Variants in CADPS observed in about 807,000 individuals in gnomAD.
CADPS encodes calcium-dependent secretion activator 1.
CADPS carries 57 observed loss-of-function variants against 167.3 expected under a neutral mutation model. The observed-to-expected ratio is 0.34, with a 90% CI of 0.28 to 0.42. The LOEUF is 0.42. Among genes scored for constraint, CADPS ranks in the 20% least tolerant of loss-of-function variants. The pLI is 1.00. For missense variants in CADPS, 1,414 were observed against 1,738.1 expected, an observed-to-expected ratio of 0.81 and a Z score of 3.32; for synonymous variants, 676 against 635.3, an observed-to-expected ratio of 1.06 and a Z score of -0.96.
rs553844716 is a variant in CADPS, at chr3:62,569,158, T to C, written c.1644+1714A>G. Among the ~76,000 whole-genome samples the C allele has an allele frequency of 3.9e-4, 59 of 152,314 alleles. 1 individual carries two copies. The Middle Eastern group carries it at 0.031, about 79-fold the overall frequency. On this transcript the variant is annotated intron_variant, in intron 9 of 29. Transcript: ENST00000383710. ...TCTTGTTGCCCAGGCTGGAGTGCAA[T>C]GGCACAATCTCAGCTCACTGCAACC...
chr3:62,557,761 C>G (rs2600854), intron 9 of CADPS, among the ~76,000 whole-genome samples: 1 of 152,030 alleles, frequency 6.6e-6, no homozygotes, highest in African/African-American at 2.4e-5. Context: ...AATGAGTTCA[C>G]GTGGGGAATG....
intron 1 of CADPS, among the ~76,000 whole-genome samples, chr3:62,783,241 A>G (rs927297738): frequency 6.6e-6 from 1 of 151,934 alleles, no homozygotes; most frequent in African/African-American, 2.4e-5. Context: ...AGTAAACGGC[A>G]AACTCTAGTT....
intron 1 of CADPS, among the ~76,000 whole-genome samples, chr3:62,856,491 A>G (rs1255955957): frequency 6.6e-6 from 1 of 152,112 alleles, no homozygotes; most frequent in Non-Finnish European, 1.5e-5. Flanking sequence ...TGATAAAATC[A>G]TTAAAAATTA....
At chr3:62,423,266 G>C (rs576408539) in intron 28 of CADPS, among the ~76,000 whole-genome samples, 1 of 152,344 alleles carries the variant, frequency 6.6e-6, no homozygotes, top group Non-Finnish European at 1.5e-5. Context: ...TTCACGAAAA[G>C]ACCTGCCCTA....
At chr3:62,809,810 G>A (rs2094308396) in intron 1 of CADPS, among the ~76,000 whole-genome samples, 1 of 152,104 alleles carries the variant, frequency 6.6e-6, no homozygotes, top group South Asian at 2.1e-4. Context: ...ATGAATATGT[G>A]TATGGTAATA....
At chr3:62,427,956 T>A (rs1397751003) in intron 28 of CADPS, among the ~76,000 whole-genome samples, 6 of 152,226 alleles carry the variant, frequency 3.9e-5, no homozygotes, top group Non-Finnish European at 8.8e-5. Context: ...AATACTCCCA[T>A]CCTGGGCAAG....
intron 6 of CADPS, among the ~76,000 whole-genome samples, chr3:62,621,463 C>T (rs2149479223): frequency 1.3e-5 from 2 of 152,208 alleles, no homozygotes; most frequent in South Asian, 4.1e-4. Flanking sequence ...AAGTCCTATT[C>T]ACTTCTTTTA....
chr3:62,775,068 C>A (rs942330853), intron 1 of CADPS, among the ~76,000 whole-genome samples: 2 of 151,774 alleles, frequency 1.3e-5, no homozygotes, highest in Admixed American at 6.6e-5. Context: ...CAGAGTCTCT[C>A]ACTCTGTCAC....
intron 3 of CADPS, among the ~76,000 whole-genome samples, chr3:62,726,895 T>C (rs867261426): frequency 2.6e-5 from 4 of 151,804 alleles, no homozygotes; most frequent in Non-Finnish European, 2.9e-5. Flanking sequence ...GGGAGTTACA[T>C]GGACTTGTAC....
intron 3 of CADPS, among the ~76,000 whole-genome samples, chr3:62,723,605 C>T (rs2076204756): frequency 6.6e-6 from 1 of 152,142 alleles, no homozygotes; most frequent in Non-Finnish European, 1.5e-5. Context: ...GAGACTGAGG[C>T]AAGGGGAAAT....
chr3:62,518,822 G>A (rs1227548486), intron 13 of CADPS, among the ~76,000 whole-genome samples: 2 of 152,114 alleles, frequency 1.3e-5, no homozygotes, highest in East Asian at 3.8e-4. Flanking sequence ...CTTTCCCGGT[G>A]TCAGACGTCT....
Position 62,653,483 on chromosome 3 carries a change from A to G in CADPS, c.970-2403T>C, listed in dbSNP as rs551532016. On this transcript the variant is annotated intron_variant, in intron 4 of 29. Transcript: ENST00000383710. ...TTTATGTCAACTATGGCATTCTGTT[A>G]TAGCAGCCTGAATAGACTAAGACAC... Among the ~76,000 whole-genome samples, 7 of 152,314 alleles carry G rather than the reference A, an allele frequency of 4.6e-5. No homozygotes were observed. The East Asian group carries it at 1.2e-3, about 25-fold the overall frequency.
Position 62,843,492 on chromosome 3 carries a change from GGTGTGTGT to G in CADPS, c.441+31089_441+31096del, listed in dbSNP as rs150223612. ...GTGATATATACAAGATGGCAGTTGG[GGTGTGTGT>G]GTGTGTGTGTGTGTGTGTCTATGTG... On this transcript the variant is annotated intron_variant, in intron 1 of 29. Coordinates refer to ENST00000383710, the MANE Select transcript of CADPS (RefSeq NM_003716.4). Among the ~76,000 whole-genome samples, 41 of 149,112 alleles carry G rather than the reference GGTGTGTGT, an allele frequency of 2.7e-4. No homozygotes were observed. The East Asian group carries it at 7.1e-3, about 26-fold the overall frequency.
At chr3:62,443,619 T>G (rs545526293) in intron 27 of CADPS, among the ~76,000 whole-genome samples, 2 of 152,238 alleles carry the variant, frequency 1.3e-5, no homozygotes, top group African/African-American at 4.8e-5. Context: ...TCAGGAGATG[T>G]CATGGTTTTA....
intron 6 of CADPS, among the ~76,000 whole-genome samples, chr3:62,627,130 TTGTGTGTGTGTG>T (rs10547515): frequency 0.12 from 18,344 of 148,420 alleles, 1,184 homozygotes; most frequent in Middle Eastern, 0.22. Flanking sequence ...TACTTTCCAG[TTGTGTGTGTGTG>T]TGTGTGTGTG....
intron 11 of CADPS, among the ~76,000 whole-genome samples, chr3:62,537,894 G>T (rs542114801): frequency 6.6e-6 from 1 of 151,930 alleles, no homozygotes; most frequent in Non-Finnish European, 1.5e-5. Flanking sequence ...CCTCCTTATT[G>T]TTTGACTTTT....
intron 3 of CADPS, among the ~76,000 whole-genome samples, chr3:62,720,822 T>C (rs1447545425): frequency 6.6e-6 from 1 of 150,442 alleles, no homozygotes; most frequent in African/African-American, 2.4e-5. Context: ...GTTTTTTTTT[T>C]TTTTTTTCTT....
chr3:62,701,605 C>CT (rs1439506753), intron 3 of CADPS, among the ~76,000 whole-genome samples: 2 of 33,144 alleles, frequency 6.0e-5, no homozygotes, highest in Non-Finnish European at 1.3e-4. Flanking sequence ...AAGACTCAGT[C>CT]TAAAAAAAAA....
chr3:62,620,299 T>A lies in CADPS; in HGVS notation c.1325+25423A>T, dbSNP rs189309774. 3.9e-5 allele frequency among the ~76,000 whole-genome samples: 6 copies of A among 152,244 alleles called. No homozygotes were observed. The East Asian group carries it at 1.2e-3, about 29-fold the overall frequency. On this transcript the variant is annotated intron_variant, in intron 6 of 29. Coordinates refer to ENST00000383710, the MANE Select transcript of CADPS (RefSeq NM_003716.4). ...ATTATGTGTTTGGTGCTGTGCTAAG[T>A]GCTTTTGCTGCAGGATCTCATTGAC...
Sources: gnomAD v4.1 joint callset for allele counts (sites outside exome capture counted in the v4.1 genomes callset) on GRCh38, gnomAD v4.1.1 for gene constraint, MANE v1.5 for transcripts, NCBI Gene and HGNC (gene_info 2026-07-23, HGNC 2026-07-21) for gene names.